GPM6A: variants seen among roughly 807,000 people sequenced by gnomAD.
GPM6A encodes the protein neuronal membrane glycoprotein M6-a.
GPM6A carries 7 observed loss-of-function variants against 32.1 expected under a neutral mutation model. That is an observed-to-expected ratio of 0.22 (90% CI 0.12 to 0.41). GPM6A has a LOEUF of 0.41. Among genes scored for constraint, GPM6A ranks in the 10% least tolerant of loss-of-function variants. The probability of loss-of-function intolerance (pLI) is 1.00; values close to 1 mark genes in which losing one functional copy is unlikely to be tolerated. For synonymous variants in GPM6A, 130 were observed against 123.4 expected (o/e 1.05, Z -0.35); for missense variants, 235 against 347.2 (o/e 0.68, Z 2.57).
At chr4:175,894,482 T>G (rs1277298410) in intron 1 of GPM6A, among the ~76,000 whole-genome samples, 8 of 152,140 alleles carry the variant, frequency 5.3e-5, no homozygotes, top group Admixed American at 5.2e-4. Flanking sequence ...AGCTGCTCCA[T>G]TCTGCCCACA....
At chr4:175,859,577 A>C (rs1161750043) in intron 1 of GPM6A, among the ~76,000 whole-genome samples, 1 of 152,180 alleles carries the variant, frequency 6.6e-6, no homozygotes, top group Non-Finnish European at 1.5e-5. Context: ...GAAGTACAGA[A>C]AGGTGAATGT....
Position 175,911,294 on chromosome 4 carries a change from C to T in GPM6A, c.-23+91015G>A, listed in dbSNP as rs1043958308. ...AATGAGACTCATAATACAAAATATA[C>T]ACTTAAAAAAATCCTCAAAACTCCT... On this transcript the variant is annotated intron_variant, in intron 1 of 7. Transcript: ENST00000280187. Among the ~76,000 whole-genome samples, 4 of 152,054 alleles carry T rather than the reference C, an allele frequency of 2.6e-5. No homozygotes were observed. In the South Asian group the frequency reaches 8.3e-4, roughly 32 times the overall value.
rs776923227 is a variant in GPM6A at position 175,673,842 on chromosome 4, A to G, written c.231-6T>C. On this transcript the variant is annotated splice_region_variant and splice_polypyrimidine_tract_variant and intron_variant, in intron 2 of 6. Transcript: ENST00000393658. The stretch of plus-strand genomic sequence containing the variant: ...CATACTTAAAGATGTCAATCCTGAG[A>G]GAAAAGACAAAGTGATTTATTTCAA... 1.9e-6 allele frequency: 3 copies of G among 1,578,262 alleles called. No homozygotes were observed. Among genetic ancestry groups the G allele is most frequent in the East Asian group, 4.5e-5 (2 of 44,480 alleles).
chr4:175,910,049 A>G (rs1176611117), intron 1 of GPM6A, among the ~76,000 whole-genome samples: 1 of 152,062 alleles, frequency 6.6e-6, no homozygotes, highest in African/African-American at 2.4e-5. Context: ...CTGGGGGGAA[A>G]CAGTTCTGAT....
chr4:175,637,011 T>C (rs973859582), intron 6 of GPM6A, among the ~76,000 whole-genome samples: 1 of 82,742 alleles, frequency 1.2e-5, no homozygotes, highest in Admixed American at 1.8e-4. Flanking sequence ...TATATTTATA[T>C]AAAAATATAT....
intron 1 of GPM6A, among the ~76,000 whole-genome samples, chr4:175,727,944 C>T (rs1044791665): frequency 3.3e-5 from 5 of 149,550 alleles, no homozygotes; most frequent in Non-Finnish European, 5.9e-5. Context: ...ACCAGTGTTA[C>T]CGTGAGCCAA....
At chr4:175,764,882 T>C (rs572042976) in intron 1 of GPM6A, among the ~76,000 whole-genome samples, 1 of 148,604 alleles carries the variant, frequency 6.7e-6, no homozygotes, top group Non-Finnish European at 1.5e-5. Flanking sequence ...TTATTATTAT[T>C]ATTATTTTGA....
chr4:175,720,777 T>C (rs184789002), intron 1 of GPM6A, among the ~76,000 whole-genome samples: 80 of 152,226 alleles, frequency 5.3e-4, no homozygotes, highest in African/African-American at 1.9e-3. Context: ...AGTCAAATTA[T>C]ATTGGAAAAA....
At chr4:175,733,087 T>C (rs1731502660) in intron 1 of GPM6A, among the ~76,000 whole-genome samples, 1 of 152,178 alleles carries the variant, frequency 6.6e-6, no homozygotes, top group Non-Finnish European at 1.5e-5. Flanking sequence ...TTTAGCCCAG[T>C]AGTGAAATGT....
In GPM6A at chr4:175,757,400, C is replaced by T. The variant is rs528451514; in HGVS notation, c.37+54791G>A. On this transcript the variant is annotated intron_variant, in intron 1 of 6. Coordinates refer to ENST00000393658, the MANE Select transcript of GPM6A (RefSeq NM_201591.3). Reference sequence around the variant, plus strand: ...CTCATTAAGGACCCCAATTCAGAACCGTCTAGCCAAGCCACTCCCAAATTC... The same window carrying T: ...CTCATTAAGGACCCCAATTCAGAACTGTCTAGCCAAGCCACTCCCAAATTC... 5.3e-5 allele frequency among the ~76,000 whole-genome samples: 8 copies of T among 152,176 alleles called. No homozygotes were observed. The East Asian group carries it at 1.2e-3, about 22-fold the overall frequency.
At chr4:175,798,486 G>A (rs1845730) in intron 1 of GPM6A, among the ~76,000 whole-genome samples, 68,863 of 152,000 alleles carry the variant, frequency 0.45, 16,424 homozygotes, top group Non-Finnish European at 0.53. Context: ...GCTAGGTTAC[G>A]GAATGAGGAA....
chr4:175,894,205 T>C (rs1737728571), intron 1 of GPM6A, among the ~76,000 whole-genome samples: 1 of 152,072 alleles, frequency 6.6e-6, no homozygotes, highest in African/African-American at 2.4e-5. Context: ...GTCCTCATGT[T>C]AGAATTACAT....
chr4:175,939,918 G>A (rs571562361), intron 1 of GPM6A, among the ~76,000 whole-genome samples: 55 of 151,634 alleles, frequency 3.6e-4, no homozygotes, highest in Admixed American at 2.5e-3. Flanking sequence ...GAACCATAGC[G>A]CCTGGTTCCA....
chr4:175,760,586 T>C (rs1290735921), intron 1 of GPM6A, among the ~76,000 whole-genome samples: 1 of 152,152 alleles, frequency 6.6e-6, no homozygotes, highest in African/African-American at 2.4e-5. Context: ...ATTATAAAGA[T>C]TAAATCAAGA....
At chr4:175,653,316 C>T (rs1741907790) in intron 3 of GPM6A, among the ~76,000 whole-genome samples, 1 of 152,098 alleles carries the variant, frequency 6.6e-6, no homozygotes, top group African/African-American at 2.4e-5. Flanking sequence ...ATAGCAGTTA[C>T]TAAATGCCCC....
chr4:175,711,457 T>TATAC (rs1303046650), intron 1 of GPM6A, among the ~76,000 whole-genome samples: 106 of 27,868 alleles, frequency 3.8e-3, no homozygotes, highest in South Asian at 8.4e-3. Context: ...TATATATATA[T>TATAC]ACACACACAT....
intron 1 of GPM6A, among the ~76,000 whole-genome samples, chr4:175,843,422 T>C (rs1173906489): frequency 6.6e-6 from 1 of 152,220 alleles, no homozygotes; most frequent in Non-Finnish European, 1.5e-5. Flanking sequence ...GCAAGTTCAC[T>C]GCATCTGACC....
At chr4:175,815,201 G>A (rs186302558), upstream of GPM6A, among the ~76,000 whole-genome samples, 5 of 152,146 alleles carry the variant, frequency 3.3e-5, no homozygotes, top group South Asian at 2.1e-4. Flanking sequence ...AGTGGAGACC[G>A]GGTTGGTTTC....
chr4:175,906,794 G>A (rs1427526891), intron 1 of GPM6A: 3 of 152,138 alleles, frequency 2.0e-5, no homozygotes, highest in African/African-American at 7.2e-5. Flanking sequence ...CTACCCTGAT[G>A]AGAACCCAAA....
Sources: gnomAD v4.1 joint callset for allele counts (sites outside exome capture counted in the v4.1 genomes callset) on GRCh38, gnomAD v4.1.1 for gene constraint, MANE v1.5 for transcripts, NCBI Gene and HGNC (gene_info 2026-07-23, HGNC 2026-07-21) for gene names.